The following SRGAP3 variants were observed in gnomAD, a reference collection of about 807,000 sequenced individuals.
SRGAP3 encodes SLIT-ROBO Rho GTPase-activating protein 3.
Under a neutral mutation model 121.1 loss-of-function variants are expected in SRGAP3, and 39 were observed. The observed-to-expected ratio is 0.32, with a 90% CI of 0.25 to 0.42. The LOEUF (loss-of-function observed/expected upper bound fraction) is 0.42. Ranked by LOEUF, SRGAP3 falls within the 10% of genes least tolerant of loss-of-function variation. SRGAP3 has a pLI of 1.00. For synonymous variants in SRGAP3, 601 were observed against 570.0 expected, an observed-to-expected ratio of 1.05 and a Z score of -0.77; for missense variants, 1,213 against 1,470.6, an observed-to-expected ratio of 0.82 and a Z score of 2.86.
chr3:9,202,889 T>C (rs943769101), intron 1 of SRGAP3, among the ~76,000 whole-genome samples: 6 of 152,228 alleles, frequency 3.9e-5, no homozygotes, highest in Non-Finnish European at 8.8e-5. Context: ...GCCTCCTTCC[T>C]TTCCTTTTGT....
intron 10 of SRGAP3, among the ~76,000 whole-genome samples, chr3:9,042,134 A>G (rs1945045034): frequency 6.6e-6 from 1 of 151,896 alleles, no homozygotes; most frequent in African/African-American, 2.4e-5. Context: ...AGAGAGAAAT[A>G]AGTGAGATTA....
chr3:9,116,722 G>T (rs1222079139), intron 2 of SRGAP3, among the ~76,000 whole-genome samples: 2 of 152,158 alleles, frequency 1.3e-5, no homozygotes, highest in Admixed American at 1.3e-4. Context: ...AGAAAGATGA[G>T]GGAACAAAGT....
chr3:9,214,869 G>A (rs531489941), intron 1 of SRGAP3, among the ~76,000 whole-genome samples: 24 of 152,262 alleles, frequency 1.6e-4, no homozygotes, highest in African/African-American at 5.3e-4. Flanking sequence ...CGCTACAGGA[G>A]GATGGATCAA....
rs543651704 is a variant in SRGAP3, at chr3:9,046,991, C to T, written c.1408+400G>A. ...GACTACAGGCGCCCGCCACCACGCC[C>T]GGCTAATTTTTTGTATTTTTTTAGT... On this transcript the variant is annotated intron_variant, in intron 10 of 21. Transcript: ENST00000383836. Among the ~76,000 whole-genome samples the T allele has an allele frequency of 3.5e-3, 529 of 152,054 alleles. 5 individuals are homozygous for T. The highest frequency in any genetic ancestry group is 0.012 in the African/African-American group (504 of 41,488).
At chr3:9,268,374 A>C (rs1432634597) in intron 3 of SRGAP3, among the ~76,000 whole-genome samples, 5 of 151,760 alleles carry the variant, frequency 3.3e-5, no homozygotes, top group Non-Finnish European at 7.4e-5. Flanking sequence ...ATGAGGACAC[A>C]GTAAGGAGGC....
intron 1 of SRGAP3, among the ~76,000 whole-genome samples, chr3:9,173,659 A>G (rs1951067505): frequency 6.6e-6 from 1 of 152,032 alleles, no homozygotes; most frequent in Non-Finnish European, 1.5e-5. Flanking sequence ...GGCTTCACAC[A>G]TGTTGTTACT....
At chr3:9,061,247 T>C (rs1458141249) in intron 5 of SRGAP3, among the ~76,000 whole-genome samples, 1 of 152,078 alleles carries the variant, frequency 6.6e-6, no homozygotes, top group Non-Finnish European at 1.5e-5. Context: ...AATCAATCAA[T>C]AAGACCCCTA....
intron 1 of SRGAP3, chr3:9,217,003 A>G (rs1230710335): frequency 6.6e-6 from 1 of 151,874 alleles, no homozygotes; most frequent in African/African-American, 2.4e-5. Context: ...ATTGCCAGGG[A>G]ATGGGGGAGG....
chr3:8,986,574 T>G (rs1052370849), intron 21 of SRGAP3, among the ~76,000 whole-genome samples: 1 of 152,196 alleles, frequency 6.6e-6, no homozygotes, highest in African/African-American at 2.4e-5. Flanking sequence ...ACACAGCTAA[T>G]TAGCAGCATA....
At position 9,075,884 on chromosome 3, in the gene SRGAP3, C is replaced by T. The variant is rs192266226; in HGVS notation, c.486+4141G>A. Among the ~76,000 whole-genome samples, 37 of 152,250 alleles carry T rather than the reference C, an allele frequency of 2.4e-4. No homozygotes were observed. The Middle Eastern group carries it at 0.014, about 56-fold the overall frequency. ...AGCATGAATTTGGGGCACATAGTGCCGCCAGCAGCTGGGTGGCTGGAGTGA... is the reference window on the plus strand; with the variant it reads ...AGCATGAATTTGGGGCACATAGTGCTGCCAGCAGCTGGGTGGCTGGAGTGA... On this transcript the variant is annotated intron_variant, in intron 4 of 21. Coordinates refer to ENST00000383836, the MANE Select transcript of SRGAP3 (RefSeq NM_014850.4).
chr3:9,086,577 ATGTG>A (rs1191268635), intron 3 of SRGAP3, among the ~76,000 whole-genome samples: 4 of 149,872 alleles, frequency 2.7e-5, no homozygotes, highest in Non-Finnish European at 4.4e-5. Context: ...GGGTGTGTAT[ATGTG>A]TGTGTGTATA....
intron 3 of SRGAP3, among the ~76,000 whole-genome samples, chr3:9,278,325 C>T (rs1954619118): frequency 6.6e-6 from 1 of 152,172 alleles, no homozygotes; most frequent in Non-Finnish European, 1.5e-5. Context: ...AAGAGGCCAC[C>T]AGCTGAGGCA....
chr3:9,120,162 C>T (rs1948950996), intron 2 of SRGAP3, among the ~76,000 whole-genome samples: 1 of 152,220 alleles, frequency 6.6e-6, no homozygotes, highest in Non-Finnish European at 1.5e-5. Context: ...CTATCTTGTT[C>T]ACCACTGTAA....
chr3:9,009,077 C>A (rs900044154), intron 18 of SRGAP3, among the ~76,000 whole-genome samples: 1 of 152,162 alleles, frequency 6.6e-6, no homozygotes, highest in Non-Finnish European at 1.5e-5. Context: ...TGAAGCCATC[C>A]CAACCCTGGG....
intron 18 of SRGAP3, among the ~76,000 whole-genome samples, chr3:8,998,592 CAT>C (rs1333199712): frequency 3.3e-5 from 5 of 151,864 alleles, no homozygotes; most frequent in Admixed American, 1.3e-4. Context: ...TATACATACA[CAT>C]ATGTGTATAT....
At chr3:9,084,190 C>A (rs975631320) in intron 3 of SRGAP3, among the ~76,000 whole-genome samples, 3 of 152,148 alleles carry the variant, frequency 2.0e-5, no homozygotes, top group Admixed American at 6.5e-5. Flanking sequence ...TGGCCTCCCC[C>A]ACCTCCCAAT....
rs1941373778 is a variant in SRGAP3 at position 8,980,762 on chromosome 3, CA to C, written c.*4756del. ...GGCAACATTTATCATCACGTGGGGA[CA>C]GGCAACCAGCAATTTCCTAGGGTGG... On this transcript the variant is annotated 3_prime_UTR_variant, in exon 22 of 22. Coordinates refer to ENST00000383836, the MANE Select transcript of SRGAP3 (RefSeq NM_014850.4). 1 of 233,010 alleles carries C rather than the reference CA, an allele frequency of 4.3e-6. No individual in the cohort carries two copies. The highest frequency in any genetic ancestry group is 6.1e-5 in the East Asian group (1 of 16,496). The allele number at this position is 233,010 out of a possible 1,614,324, so 14.4% of individuals were successfully genotyped here.
At position 8,985,321 on chromosome 3, in the gene SRGAP3, C is replaced by T. The variant is rs898344554; in HGVS notation, c.*198G>A. The stretch of plus-strand genomic sequence containing the variant: ...ACTCCTCTGGTCGTCTGTTGACACG[C>T]GAGAGGTCCGTGGGATTCCCATGGC... On this transcript the variant is annotated 3_prime_UTR_variant, in exon 22 of 22. Coordinates refer to ENST00000383836, the MANE Select transcript of SRGAP3 (RefSeq NM_014850.4). The surrounding 1 kb of genome is among the most constrained non-coding windows in gnomAD (Gnocchi z 5.1). 7 of 1,219,748 alleles carry T rather than the reference C, an allele frequency of 5.7e-6. No individual in the cohort carries two copies. In the African/African-American group the frequency reaches 7.9e-5, roughly 14 times the overall value. The allele number at this position is 1,219,748 out of a possible 1,614,324, so 75.6% of individuals were successfully genotyped here. A position where few individuals can be genotyped will look rare whatever the true frequency, so the allele number is the denominator to read the frequency against.
intron 1 of SRGAP3, among the ~76,000 whole-genome samples, chr3:9,153,736 A>G (rs1283089353): frequency 7.1e-6 from 1 of 140,138 alleles, no homozygotes; most frequent in Non-Finnish European, 1.5e-5. Flanking sequence ...ATCTTGCTAT[A>G]TGTACTCTAA....
Sources: allele counts gnomAD v4.1 joint callset (sites outside exome capture counted in the v4.1 genomes callset), GRCh38; gene constraint gnomAD v4.1.1; non-coding constraint Gnocchi (gnomAD v3.1); transcripts MANE v1.5; gene names NCBI Gene and HGNC (gene_info 2026-07-23, HGNC 2026-07-21).